The following COLEC10 variants were observed in gnomAD, a reference collection of about 807,000 sequenced individuals.
COLEC10 encodes the protein collectin-10.
In COLEC10, 22 loss-of-function variants were observed where a neutral mutation model predicts 28.4. The ratio of observed to expected loss-of-function variants is 0.78; its 90% CI spans 0.55 to 1.11. The LOEUF (loss-of-function observed/expected upper bound fraction) is 1.11. COLEC10 is among the 50% of genes least tolerant of loss of function. The pLI is 0.00. For synonymous variants in COLEC10, 125 were observed against 116.1 expected (o/e 1.08, Z -0.49); for missense variants, 361 against 344.1 (o/e 1.05, Z -0.39).
At chr8:119,067,236 G>A (rs1232404166), upstream of COLEC10, 2 of 1,596,080 alleles carry the variant, frequency 1.3e-6, no homozygotes, top group East Asian at 2.2e-5. Flanking sequence ...AAATAAAGCT[G>A]TTTATTTGGC....
intron 2 of COLEC10, among the ~76,000 whole-genome samples, chr8:119,010,216 A>G (rs555425465): frequency 1.3e-5 from 2 of 150,760 alleles, no homozygotes; most frequent in African/African-American, 5.0e-5. Flanking sequence ...TCTTTTTACT[A>G]TCTTCAGCGT....
chr8:118,988,672 T>C, the COLEC10 span, among the ~76,000 whole-genome samples: 4 of 152,098 alleles, frequency 2.6e-5, no homozygotes, highest in Non-Finnish European at 5.9e-5. Context: ...CACCTTACCA[T>C]CACACTGACA....
intron 2 of COLEC10, among the ~76,000 whole-genome samples, chr8:119,013,297 T>C (rs1204518579): frequency 6.6e-6 from 1 of 150,820 alleles, no homozygotes; most frequent in Admixed American, 6.6e-5. Flanking sequence ...TATTGATTTC[T>C]AGTTTCATTC....
chr8:119,098,612 A>G lies in COLEC10; in HGVS notation c.293-3736A>G, dbSNP rs150225983. On this transcript the variant is annotated intron_variant, in intron 3 of 5. Transcript: ENST00000332843. ...ATTTAACCATTTTATCTTAATGCCT[A>G]TTATATATTATAGACACTTGCTAGA... is the stretch of plus-strand genomic sequence containing the variant. Among the ~76,000 whole-genome samples the G allele has an allele frequency of 2.2e-3, 329 of 152,224 alleles. 1 individual carries two copies. The highest frequency in any genetic ancestry group is 7.2e-3 in the African/African-American group (298 of 41,574).
chr8:119,028,111 G>T (rs1049138104), intron 2 of COLEC10, among the ~76,000 whole-genome samples: 1 of 152,132 alleles, frequency 6.6e-6, no homozygotes, highest in African/African-American at 2.4e-5. Context: ...TCACCTACTT[G>T]TCTCCCCCAT....
intron 1 of COLEC10, among the ~76,000 whole-genome samples, chr8:119,075,280 T>A (rs1475261416): frequency 6.6e-6 from 1 of 152,266 alleles, no homozygotes; most frequent in Non-Finnish European, 1.5e-5. Context: ...ACTCTTCACA[T>A]TTCTTCATGA....
At chr8:118,986,808 T>C in the COLEC10 span, among the ~76,000 whole-genome samples, 14 of 152,178 alleles carry the variant, frequency 9.2e-5, no homozygotes, top group Non-Finnish European at 1.5e-4. Context: ...ACATATTGTA[T>C]GATTCAATGT....
the COLEC10 span, among the ~76,000 whole-genome samples, chr8:118,983,125 G>A: frequency 5.8e-4 from 89 of 152,288 alleles, 1 homozygote; most frequent in Admixed American, 2.0e-3. Context: ...GAACTTAGCA[G>A]TATTTTGGTG....
chr8:119,010,064 G>C (rs1813877611), intron 2 of COLEC10, among the ~76,000 whole-genome samples: 1 of 150,700 alleles, frequency 6.6e-6, no homozygotes, highest in South Asian at 2.1e-4. Context: ...ACTGAGCATT[G>C]TACATTCTGT....
rs562021737 is a variant in COLEC10, at chr8:119,091,379, C to G, written c.292+159C>G. Among the ~76,000 whole-genome samples, 3 of 97,532 alleles carry G rather than the reference C, an allele frequency of 3.1e-5. No homozygotes were observed. In the South Asian group the frequency reaches 8.8e-4, roughly 29 times the overall value. 64.0% of individuals were successfully genotyped at this position (97,532 alleles called of 152,430 possible). A position where few individuals can be genotyped will look rare whatever the true frequency, so the allele number is the denominator to read the frequency against. ...CCTGCACAACACAGCAAGACCCAAT[C>G]TCTACCAAAAAAAAAAAAAAAATGA... On this transcript the variant is annotated intron_variant, in intron 3 of 5. Transcript: ENST00000332843.
At chr8:118,993,518 C>T (rs1288457221), upstream of COLEC10, among the ~76,000 whole-genome samples, 1 of 152,036 alleles carries the variant, frequency 6.6e-6, no homozygotes, top group Non-Finnish European at 1.5e-5. Context: ...TCACACCCGG[C>T]TAATTTTTGT....
chr8:119,011,128 G>A (rs537788452), intron 2 of COLEC10, among the ~76,000 whole-genome samples: 3 of 151,006 alleles, frequency 2.0e-5, no homozygotes, highest in African/African-American at 4.9e-5. Flanking sequence ...TTTACAATTA[G>A]GTCTGTGATT....
chr8:118,988,655 T>A, the COLEC10 span, among the ~76,000 whole-genome samples: 3 of 152,136 alleles, frequency 2.0e-5, no homozygotes, highest in African/African-American at 7.2e-5. Context: ...AGGTTCCTTC[T>A]TCACCACACC....
At chr8:119,058,844 G>C (rs143868064) in intron 2 of COLEC10, among the ~76,000 whole-genome samples, 140 of 152,150 alleles carry the variant, frequency 9.2e-4, no homozygotes, top group African/African-American at 3.3e-3. Context: ...CTGACCAACT[G>C]TTTTCAAAAG....
chr8:119,042,987 T>C (rs1814524984), intron 2 of COLEC10, among the ~76,000 whole-genome samples: 1 of 152,054 alleles, frequency 6.6e-6, no homozygotes, highest in Admixed American at 6.5e-5. Flanking sequence ...ACCATCTCTG[T>C]TTGTGTTTGT....
At chr8:119,017,566 G>A (rs1161821319) in intron 2 of COLEC10, among the ~76,000 whole-genome samples, 3 of 152,164 alleles carry the variant, frequency 2.0e-5, no homozygotes, top group Admixed American at 2.0e-4. Context: ...TGTGATTGAG[G>A]AACACAGCAT....
chr8:119,006,860 CA>C (rs906662668), intron 1 of COLEC10, among the ~76,000 whole-genome samples: 2 of 151,848 alleles, frequency 1.3e-5, no homozygotes, highest in Admixed American at 1.3e-4. Flanking sequence ...AATTTGTTCA[CA>C]AAAAAATCCC....
chr8:119,082,747 T>G (rs1439933710), intron 1 of COLEC10, among the ~76,000 whole-genome samples: 1 of 152,218 alleles, frequency 6.6e-6, no homozygotes. Flanking sequence ...CAGCCTGCCC[T>G]CATATAAGGA....
chr8:119,026,869 A>G (rs1260804402), intron 2 of COLEC10, among the ~76,000 whole-genome samples: 1 of 152,108 alleles, frequency 6.6e-6, no homozygotes, highest in African/African-American at 2.4e-5. Context: ...GCATCTATCA[A>G]TTTTTGGCTG....
Sources: allele counts gnomAD v4.1 joint callset (sites outside exome capture counted in the v4.1 genomes callset), GRCh38; gene constraint gnomAD v4.1.1; transcripts MANE v1.5; gene names NCBI Gene and HGNC (gene_info 2026-07-23, HGNC 2026-07-21).